CENPK: variants seen among roughly 807,000 people sequenced by gnomAD.
CENPK encodes centromere protein K.
In CENPK, 46 loss-of-function variants were observed where a neutral mutation model predicts 40.9. That is an observed-to-expected ratio of 1.13 (90% CI 0.89 to 1.44). CENPK has a LOEUF of 1.44. CENPK is among the 40% of genes most tolerant of loss of function. The pLI is 0.00. For missense variants in CENPK, 288 were observed against 303.5 expected (o/e 0.95, Z 0.38); for synonymous variants, 107 against 104.4 (o/e 1.02, Z -0.15).
At chr5:65,559,962 T>C (rs1185507805) in intron 2 of CENPK, among the ~76,000 whole-genome samples, 2 of 151,964 alleles carry the variant, frequency 1.3e-5, no homozygotes, top group African/African-American at 4.8e-5. Context: ...TTTTAACATT[T>C]ATAGTATTTG....
Position 65,529,125 on chromosome 5 carries a change from G to A in CENPK, c.363C>T (p.Asp121=), listed in dbSNP as rs745797201. The A allele has an allele frequency of 2.5e-6, 4 of 1,604,668 alleles. No homozygotes were observed. The South Asian group carries it at 3.3e-5, about 13-fold the overall frequency. ...KESKNEKLKE[D]LEREQRWLDE... is the part of the protein sequence containing the mutation. ...TTGTAACATAAACAAACCTTTCTAAGTCTTCCTTTAACTTTTCATTCTTTG... is the reference window on the plus strand; with the variant it reads ...TTGTAACATAAACAAACCTTTCTAAATCTTCCTTTAACTTTTCATTCTTTG... Residue 121 remains aspartate (D), a synonymous_variant, in exon 7 of 11, where the codon GAC becomes GAT. Transcript: ENST00000396679.
intron 5 of CENPK, chr5:65,550,956 C>T (rs1749891165): frequency 6.2e-6 from 1 of 160,004 alleles, no homozygotes; most frequent in Admixed American, 6.5e-5. Context: ...AAATTGCATT[C>T]ATTAAGAAAC....
chr5:65,505,074 T>TG, the CENPK span, among the ~76,000 whole-genome samples: 1 of 152,172 alleles, frequency 6.6e-6, no homozygotes, highest in Non-Finnish European at 1.5e-5. Context: ...ACTACAGGTA[T>TG]GTCCCACCAT....
At chr5:65,514,470 T>C (rs1436052514), downstream of CENPK, among the ~76,000 whole-genome samples, 1 of 151,956 alleles carries the variant, frequency 6.6e-6, no homozygotes, top group Non-Finnish European at 1.5e-5. Context: ...TTTCACCATA[T>C]TGGTCAGGCT....
At chr5:65,526,493 T>C (rs995422260) in intron 9 of CENPK, among the ~76,000 whole-genome samples, 1 of 152,220 alleles carries the variant, frequency 6.6e-6, no homozygotes, top group Non-Finnish European at 1.5e-5. Context: ...CTTTTCCTAG[T>C]ATATTCACAT....
intron 4 of CENPK, among the ~76,000 whole-genome samples, 176 bp from the exon 5 acceptor site, chr5:65,551,812 C>T (rs371279681): frequency 9.9e-5 from 15 of 152,246 alleles, no homozygotes; most frequent in African/African-American, 3.4e-4. Flanking sequence ...ATCCACTGAT[C>T]TATTCCTACA....
chr5:65,550,803 T>A (rs766457748), intron 5 of CENPK: 10 of 152,654 alleles, frequency 6.6e-5, no homozygotes, highest in African/African-American at 2.4e-4. Flanking sequence ...ATCACAATTA[T>A]AAATTTTTAT....
At chr5:65,508,102 T>C in the CENPK span, among the ~76,000 whole-genome samples, 1 of 152,236 alleles carries the variant, frequency 6.6e-6, no homozygotes, top group Non-Finnish European at 1.5e-5. Flanking sequence ...ATTAAGGTGG[T>C]GTCTGCTGGG....
At chr5:65,501,061 T>C in the CENPK span, among the ~76,000 whole-genome samples, 1 of 152,162 alleles carries the variant, frequency 6.6e-6, no homozygotes, top group Non-Finnish European at 1.5e-5. Flanking sequence ...TGAATCTGGT[T>C]ATTGTGCTTC....
chr5:65,514,237 TTTTTTTTTTTTTTTTTTTTTTTTTAG>T (rs1420657664), downstream of CENPK, among the ~76,000 whole-genome samples: 7 of 11,228 alleles, frequency 6.2e-4, no homozygotes, highest in African/African-American at 1.3e-3. Context: ...AATCTTTTTT[TTTTTTTTTTTTTTTTTTTTTTTTTAG>T]TTTTTTTTAG....
intron 9 of CENPK, among the ~76,000 whole-genome samples, chr5:65,526,625 C>T (rs1230244706): frequency 6.6e-6 from 1 of 152,098 alleles, no homozygotes; most frequent in African/African-American, 2.4e-5. Context: ...GAGAGATAGA[C>T]ATAAATAACA....
At chr5:65,539,935 A>G (rs1302514930) in intron 6 of CENPK, among the ~76,000 whole-genome samples, 1 of 152,214 alleles carries the variant, frequency 6.6e-6, no homozygotes. Flanking sequence ...AAGTATAGGA[A>G]GCAGAGAATG....
At chr5:65,496,721 T>G in the CENPK span, among the ~76,000 whole-genome samples, 1 of 152,138 alleles carries the variant, frequency 6.6e-6, no homozygotes, top group African/African-American at 2.4e-5. Context: ...CTTTGCTGTT[T>G]GTTTTTTTTC....
the CENPK span, among the ~76,000 whole-genome samples, chr5:65,500,637 A>G: frequency 6.6e-6 from 1 of 151,852 alleles, no homozygotes; most frequent in East Asian, 1.9e-4. Context: ...CAGATTAAGG[A>G]ATATCTATTG....
the CENPK span, among the ~76,000 whole-genome samples, chr5:65,506,248 A>G: frequency 1.3e-5 from 2 of 150,512 alleles, no homozygotes; most frequent in Non-Finnish European, 1.5e-5. Flanking sequence ...GCATGGTGGC[A>G]GGCACCTGTA....
intron 4 of CENPK, among the ~76,000 whole-genome samples, chr5:65,552,087 G>C (rs985204061): frequency 1.3e-5 from 2 of 151,502 alleles, no homozygotes; most frequent in African/African-American, 2.4e-5. Flanking sequence ...AGCCTCCTGA[G>C]TAGCTGGGAT....
intron 3 of CENPK, among the ~76,000 whole-genome samples, chr5:65,553,280 G>C (rs1195067277): frequency 6.6e-6 from 1 of 151,944 alleles, no homozygotes; most frequent in African/African-American, 2.4e-5. Flanking sequence ...CCTATCTTTT[G>C]GCTTCCCTGA....
chr5:65,516,085 C>T (rs948674417), downstream of CENPK, among the ~76,000 whole-genome samples: 3 of 152,178 alleles, frequency 2.0e-5, no homozygotes, highest in Non-Finnish European at 4.4e-5. Context: ...ACCTTAATAT[C>T]TTCCAAGATC....
At chr5:65,535,278 A>G (rs1247976141) in intron 6 of CENPK, among the ~76,000 whole-genome samples, 2 of 152,182 alleles carry the variant, frequency 1.3e-5, no homozygotes, top group African/African-American at 2.4e-5. Context: ...GTTGTGCAGG[A>G]AAGAGTTAAC....
Sources: allele counts gnomAD v4.1 joint callset (sites outside exome capture counted in the v4.1 genomes callset), GRCh38; gene constraint gnomAD v4.1.1; transcripts MANE v1.5; gene names NCBI Gene and HGNC (gene_info 2026-07-23, HGNC 2026-07-21).